Variants in ANOS1 observed in about 807,000 individuals in gnomAD.
The protein encoded by ANOS1 is anosmin-1.
In ANOS1, 6 loss-of-function variants were observed where a neutral mutation model predicts 59.0. That is an observed-to-expected ratio of 0.10 (90% CI 0.06 to 0.20). ANOS1 has a LOEUF of 0.20. Ranked by LOEUF, ANOS1 falls within the 10% of genes least tolerant of loss-of-function variation. The pLI is 1.00. For missense variants in ANOS1, 433 were observed against 542.3 expected, an observed-to-expected ratio of 0.80 and a Z score of 2.00; for synonymous variants, 217 against 223.4, an observed-to-expected ratio of 0.97 and a Z score of 0.25.
At chrX:8,544,805 G>A (rs1017489785) in intron 9 of ANOS1, among the ~76,000 whole-genome samples, 2 of 109,895 alleles carry the variant, frequency 1.8e-5, no homozygotes, top group Non-Finnish European at 1.9e-5. Flanking sequence ...TGTGGGTCAC[G>A]CCTGTAATCC....
At chrX:8,640,141 C>G (rs1276474719) in intron 2 of ANOS1, among the ~76,000 whole-genome samples, 1 of 111,137 alleles carries the variant, frequency 9.0e-6, no homozygotes, top group East Asian at 2.8e-4. Flanking sequence ...CATGGCTAAG[C>G]AGCCAGAGGC....
At chrX:8,619,311 A>G (rs1931237485) in intron 3 of ANOS1, among the ~76,000 whole-genome samples, 1 of 111,432 alleles carries the variant, frequency 9.0e-6, no homozygotes, top group Non-Finnish European at 1.9e-5. Flanking sequence ...TCATTTAAAA[A>G]ATGACATTTA....
At chrX:8,545,258 C>CAA (rs1178222498) in intron 9 of ANOS1, among the ~76,000 whole-genome samples, 2 of 28,595 alleles carry the variant, frequency 7.0e-5, no homozygotes, top group African/African-American at 1.9e-4. Context: ...GTCTCTATGA[C>CAA]AAAAAAAAAA....
chrX:8,638,195 T>G (rs1931603255), intron 2 of ANOS1, among the ~76,000 whole-genome samples: 1 of 112,464 alleles, frequency 8.9e-6, no homozygotes, highest in African/African-American at 3.2e-5. Flanking sequence ...TAGAGTAGTT[T>G]GTTTTCTTCA....
chrX:8,610,380 T>A (rs1456622471), intron 3 of ANOS1, among the ~76,000 whole-genome samples: 1 of 111,893 alleles, frequency 8.9e-6, no homozygotes, highest in East Asian at 2.8e-4. Context: ...TGATTTGACG[T>A]AGTTTCAAAT....
intron 2 of ANOS1, among the ~76,000 whole-genome samples, chrX:8,627,355 G>A (rs1390889577): frequency 2.7e-5 from 3 of 112,261 alleles, no homozygotes; most frequent in African/African-American, 9.7e-5. Flanking sequence ...GGTCCTGAGA[G>A]CTTGTGGAAT....
chrX:8,703,645 A>T (rs893334272), intron 1 of ANOS1, among the ~76,000 whole-genome samples: 137 of 111,416 alleles, frequency 1.2e-3, no homozygotes, highest in East Asian at 5.7e-4. Context: ...ATTTTGAAGG[A>T]ATTTCCAGAT....
At chrX:8,689,102 T>G (rs1409916697) in intron 2 of ANOS1, among the ~76,000 whole-genome samples, 1 of 111,863 alleles carries the variant, frequency 8.9e-6, no homozygotes, top group Non-Finnish European at 1.9e-5. Flanking sequence ...CCACCTGCAT[T>G]ATCACTAGAA....
At chrX:8,584,406 T>TTTTGTTTGTTTGTTTG (rs772935518) in intron 6 of ANOS1, among the ~76,000 whole-genome samples, 1 of 108,918 alleles carries the variant, frequency 9.2e-6, no homozygotes, top group African/African-American at 3.4e-5. Context: ...AAAAAAAGTG[T>TTTTGTTTGTTTGTTTG]TTTGTTTGTT....
intron 2 of ANOS1, among the ~76,000 whole-genome samples, chrX:8,624,332 A>C (rs1224464727): frequency 9.0e-6 from 1 of 111,717 alleles, no homozygotes; most frequent in Non-Finnish European, 1.9e-5. Context: ...TACTTTCTAA[A>C]GGTTGTTGTT....
chrX:8,715,373 T>C (rs868815986), intron 1 of ANOS1, among the ~76,000 whole-genome samples: 1 of 110,992 alleles, frequency 9.0e-6, no homozygotes, highest in Admixed American at 9.6e-5. Flanking sequence ...CAAGCAATCC[T>C]TCTGCCTCAG....
At chrX:8,620,431 T>TA (rs772812159) in intron 3 of ANOS1, among the ~76,000 whole-genome samples, 72 of 112,025 alleles carry the variant, frequency 6.4e-4, no homozygotes, top group Non-Finnish European at 1.2e-3. Context: ...TAATGTAATC[T>TA]AGAGTCCCTT....
intron 8 of ANOS1, among the ~76,000 whole-genome samples, chrX:8,554,759 G>C (rs1225745693): frequency 1.8e-5 from 2 of 108,523 alleles, no homozygotes; most frequent in African/African-American, 3.4e-5. Context: ...AAGACACTTA[G>C]ACTCCCACAC....
rs1282179216 is a variant in ANOS1 at position 8,731,722 on chromosome X, C to A, written c.207+108G>T. ...CCCAGGGGAAGCCAGGATCAGCCGG[C>A]GGCGCTGGCCGAGAACTTTGCGAGC... is the stretch of plus-strand genomic sequence containing the variant. On this transcript the variant is annotated intron_variant, in intron 1 of 13. Coordinates refer to ENST00000262648, the MANE Select transcript of ANOS1 (RefSeq NM_000216.4). The A allele has an allele frequency of 1.3e-5, 14 of 1,105,200 alleles. No homozygotes were observed. In the East Asian group the frequency reaches 5.4e-4, roughly 42 times the overall value. 91.1% of individuals were successfully genotyped at this position (1,105,200 alleles called of 1,213,427 possible). A position where few individuals can be genotyped will look rare whatever the true frequency, so the allele number is the denominator to read the frequency against.
At chrX:8,679,769 G>A (rs1324073358) in intron 2 of ANOS1, among the ~76,000 whole-genome samples, 1 of 111,298 alleles carries the variant, frequency 9.0e-6, no homozygotes, top group Non-Finnish European at 1.9e-5. Context: ...CTCAAAAATA[G>A]CTCTCACGCT....
At chrX:8,645,950 G>C (rs1031251044) in intron 2 of ANOS1, among the ~76,000 whole-genome samples, 2 of 109,303 alleles carry the variant, frequency 1.8e-5, no homozygotes, top group African/African-American at 6.7e-5. Context: ...GGCTGTGTCT[G>C]GGTAATTTTT....
intron 12 of ANOS1, chrX:8,535,358 G>C: frequency 2.3e-6 from 1 of 435,546 alleles, no homozygotes; most frequent in Non-Finnish European, 4.0e-6. Context: ...CTTTTCATGA[G>C]TTGGCTCTAG....
chrX:8,681,734 GA>G (rs1732401135), intron 2 of ANOS1, among the ~76,000 whole-genome samples: 1 of 111,757 alleles, frequency 8.9e-6, no homozygotes, highest in Admixed American at 9.5e-5. Context: ...AATAATCAAG[GA>G]AAGTGAATAC....
At chrX:8,690,039 GT>G (rs1382108254) in intron 2 of ANOS1, among the ~76,000 whole-genome samples, 2 of 112,068 alleles carry the variant, frequency 1.8e-5, no homozygotes, top group African/African-American at 6.5e-5. Context: ...CAAAATGTTG[GT>G]TTAAGGAAAT....
Sources: allele counts gnomAD v4.1 joint callset (sites outside exome capture counted in the v4.1 genomes callset), GRCh38; gene constraint gnomAD v4.1.1; transcripts MANE v1.5; gene names NCBI Gene and HGNC (gene_info 2026-07-23, HGNC 2026-07-21).